The following MRPS30 variants were observed in gnomAD, a reference collection of about 807,000 sequenced individuals.
MRPS30 encodes mitochondrial ribosomal protein S30.
In MRPS30, 42 loss-of-function variants were observed where a neutral mutation model predicts 43.8. The observed-to-expected ratio is 0.96, with a 90% confidence interval of 0.75 to 1.24. MRPS30 has a LOEUF of 1.24. MRPS30 is among the 50% of genes most tolerant of loss of function. The pLI is 0.00. For missense variants in MRPS30, 638 were observed against 570.0 expected (o/e 1.12, Z -1.22); for synonymous variants, 273 against 228.2 (o/e 1.20, Z -1.77).
chr5:44,815,060 G>A lies in MRPS30; in HGVS notation c.1178G>A (p.Cys393Tyr). 1 of 1,613,794 alleles carries A rather than the reference G, an allele frequency of 6.2e-7. No individual in the cohort carries two copies. The highest frequency in any genetic ancestry group is 1.1e-5 in the South Asian group (1 of 91,068). Residue 393 changes from cysteine (C) to tyrosine (Y), a missense_variant, in exon 5 of 5, where the codon TGT becomes TAT. Physicochemically the swap from Cys to Tyr is radical, Grantham distance 194. Transcript: ENST00000507110. ...ADQNNPRKNI[C>Y]WGTQSKPLYE... is the part of the protein sequence containing the mutation. ...CAAAATAACCCTCGTAAAAATATATGTTGGGGTACACAAAGTAAGCCTCTT... is the reference window on the plus strand; with the variant it reads ...CAAAATAACCCTCGTAAAAATATATATTGGGGTACACAAAGTAAGCCTCTT...
chr5:44,809,482 T>C lies in MRPS30; in HGVS notation c.520T>C (p.Leu174=). The change falls in exon 1 of 5, where the codon TTG becomes CTG. Residue 174 remains leucine, a synonymous_variant. Coordinates refer to ENST00000507110, the MANE Select transcript of MRPS30 (RefSeq NM_016640.4). ...HRYEESEVIS[L]PFLDQLVSTL... is the part of the protein sequence containing the mutation. ...TTACGAGGAGAGCGAGGTCATATCT[T>C]TGCCCTTCCTGGATCAGCTGGTGTC... is the stretch of plus-strand genomic sequence containing the variant. 2 of 1,613,958 alleles carry C rather than the reference T, an allele frequency of 1.2e-6. No homozygotes were observed. Among genetic ancestry groups the C allele is most frequent in the Non-Finnish European group, 8.5e-7 (1 of 1,179,994 alleles).
At chr5:44,811,524 A>G (rs952598830) in intron 2 of MRPS30, among the ~76,000 whole-genome samples, 7 of 152,202 alleles carry the variant, frequency 4.6e-5, no homozygotes, top group African/African-American at 1.4e-4. Context: ...GCCATTTTAC[A>G]TATTTGCAGT....
intron 1 of MRPS30, 41 bp downstream of exon 1, chr5:44,809,604 G>A (rs1379099505): frequency 2.0e-6 from 3 of 1,523,866 alleles, no homozygotes; most frequent in Admixed American, 2.1e-5. Context: ...GGGAGAGATG[G>A]GGATTGTACT....
At chr5:44,809,830 T>G in intron 1 of MRPS30, 1 of 449,056 alleles carries the variant, frequency 2.2e-6, no homozygotes, top group Non-Finnish European at 3.9e-6. Flanking sequence ...GGATTCTACT[T>G]TGTGAGTGTT....
rs781533791 is a variant in MRPS30 at position 44,809,460 on chromosome 5, CGAG to C, written c.502_504del (p.Glu168del). 4 of 1,613,902 alleles carry C rather than the reference CGAG, an allele frequency of 2.5e-6. No homozygotes were observed. The highest frequency in any genetic ancestry group is 3.4e-6 in the Non-Finnish European group (4 of 1,180,000). On this transcript the variant is annotated inframe_deletion, in exon 1 of 5. Transcript: ENST00000507110. ...GGCGCAGGCGGCGCGTGCACCGTTA[CGAG>C]GAGAGCGAGGTCATATCTTTGCCCT... is the stretch of plus-strand genomic sequence containing the variant.
chr5:44,813,117 G>A lies in MRPS30; in HGVS notation c.865G>A (p.Ala289Thr), dbSNP rs1742869110. ...ATTTTGCTCTTCAGGCTCAAAAACTGCAGATCCTTGCTGTTACGGTCACAC... is the reference window on the plus strand; with the variant it reads ...ATTTTGCTCTTCAGGCTCAAAAACTACAGATCCTTGCTGTTACGGTCACAC... ...ENHIFVGSKT[A>T]DPCCYGHTQF... The change falls in exon 4 of 5, where the codon GCA becomes ACA. Residue 289 changes from alanine (A) to threonine (T), a missense_variant. By Grantham distance (58) the Ala-to-Thr change is moderately conservative. Coordinates refer to ENST00000507110, the MANE Select transcript of MRPS30 (RefSeq NM_016640.4). 1.9e-6 allele frequency: 3 copies of A among 1,611,430 alleles called. No individual in the cohort carries two copies. Among genetic ancestry groups the A allele is most frequent in the Non-Finnish European group, 2.5e-6 (3 of 1,179,186 alleles).
At chr5:44,812,415 T>C (rs1278607313) in intron 3 of MRPS30, among the ~76,000 whole-genome samples, 1 of 152,154 alleles carries the variant, frequency 6.6e-6, no homozygotes, top group Non-Finnish European at 1.5e-5. Context: ...TCATAATGTC[T>C]GATGTCTGCC....
At chr5:44,811,272 T>G in intron 2 of MRPS30, 118 bp downstream of exon 2, 1 of 1,258,506 alleles carries the variant, frequency 7.9e-7, no homozygotes, top group East Asian at 2.4e-5. Context: ...GCCTTTCAAG[T>G]TTCCTTTTTG....
rs955690643 is a variant in MRPS30, at chr5:44,809,381, C to T, written c.419C>T (p.Ala140Val). Residue 140 changes from alanine to valine, a missense_variant, in exon 1 of 5, where the codon GCG becomes GTG. Ala to Val is a moderately conservative substitution (Grantham distance 64). Coordinates refer to ENST00000507110, the MANE Select transcript of MRPS30 (RefSeq NM_016640.4). ...GAACCTGAACCTGCGCTGGACCTCG[C>T]GGCGCTGCGTGCGGTCGCCTGCGAC... ...EPEPEPALDLAALRAVACDCL... is the reference protein window; with the variant it reads ...EPEPEPALDLVALRAVACDCL... 2 of 1,608,370 alleles carry T rather than the reference C, an allele frequency of 1.2e-6. No homozygotes were observed. The highest frequency in any genetic ancestry group is 8.5e-7 in the Non-Finnish European group (1 of 1,177,392).
chr5:44,813,262 G>C lies in MRPS30; in HGVS notation c.1010G>C (p.Gly337Ala), dbSNP rs772618004. ...ATTGCAAGCCTTTTTGCTTGGACTG[G>C]AGCACAAGCTATGTATCAAGGTAAA... ...NAIASLFAWTGAQAMYQGFWS... is the reference protein window; with the variant it reads ...NAIASLFAWTAAQAMYQGFWS... Residue 337 changes from glycine to alanine, a missense_variant, in exon 4 of 5, where the codon GGA becomes GCA. Transcript: ENST00000507110. The C allele has an allele frequency of 6.4e-5, 102 of 1,602,760 alleles. No individual in the cohort carries two copies. Among genetic ancestry groups the C allele is most frequent in the Non-Finnish European group, 8.0e-5 (94 of 1,176,152 alleles).
chr5:44,815,342 C>G lies in MRPS30; in HGVS notation c.*140C>G, dbSNP rs534566617. The G allele has an allele frequency of 1.3e-5, 9 of 714,292 alleles. No individual in the cohort carries two copies. In the South Asian group the frequency reaches 2.0e-4, roughly 16 times the overall value. 44.2% of individuals were successfully genotyped at this position (714,292 alleles called of 1,614,324 possible). A position where few individuals can be genotyped will look rare whatever the true frequency, so the allele number is the denominator to read the frequency against. ...CTTATGTCAACCTGTTATTAGATCT[C>G]TTACTCTGCTCAAATTCATCACTGA... On this transcript the variant is annotated 3_prime_UTR_variant, in exon 5 of 5. Transcript: ENST00000507110.
At chr5:44,813,373 AG>A in intron 4 of MRPS30, 91 bp downstream of exon 4, 1 of 1,116,888 alleles carries the variant, frequency 9.0e-7, no homozygotes, top group Non-Finnish European at 1.2e-6. Context: ...GTTAAAACAT[AG>A]GTTGAATCTT....
At chr5:44,810,614 T>G (rs1200440243) in intron 1 of MRPS30, among the ~76,000 whole-genome samples, 1 of 152,168 alleles carries the variant, frequency 6.6e-6, no homozygotes, top group Non-Finnish European at 1.5e-5. Context: ...GAAAACCTGT[T>G]TAACTTTGTC....
At chr5:44,809,771 TA>T in intron 1 of MRPS30, 1 of 561,332 alleles carries the variant, frequency 1.8e-6, no homozygotes, top group Non-Finnish European at 3.1e-6. Context: ...CGCTAACACC[TA>T]CCAGCTCTTC....
intron 1 of MRPS30, among the ~76,000 whole-genome samples, chr5:44,810,486 T>C (rs1056912935): frequency 6.6e-6 from 1 of 152,360 alleles, no homozygotes; most frequent in Middle Eastern, 3.4e-3. Flanking sequence ...ATGTTAGGAC[T>C]GTAGATGTGT....
Position 44,811,103 on chromosome 5 carries a change from G to C in MRPS30, c.696G>C (p.Gln232His). The change falls in exon 2 of 5, where the codon CAG becomes CAC. Residue 232 changes from glutamine (Q) to histidine (H), a missense_variant. By Grantham distance (24) the Gln-to-His change is conservative. Coordinates refer to ENST00000507110, the MANE Select transcript of MRPS30 (RefSeq NM_016640.4). Reference protein sequence around the residue: ...RRGRIDDLRYQIDDKPNNQIR... With the variant: ...RRGRIDDLRYHIDDKPNNQIR... ...GTCGAATTGATGACTTGCGATACCA[G>C]ATAGATGATAAACCAAACAACCAGA... 6.2e-7 allele frequency: 1 copy of C among 1,614,060 alleles called. No homozygotes were observed. The highest frequency in any genetic ancestry group is 2.2e-5 in the East Asian group (1 of 44,860).
At position 44,815,348 on chromosome 5, in the gene MRPS30, C is replaced by A; in HGVS notation, c.*146C>A. Reference sequence around the variant, plus strand: ...TCAACCTGTTATTAGATCTCTTACTCTGCTCAAATTCATCACTGAAAGATT... The same window carrying A: ...TCAACCTGTTATTAGATCTCTTACTATGCTCAAATTCATCACTGAAAGATT... On this transcript the variant is annotated 3_prime_UTR_variant, in exon 5 of 5. Transcript: ENST00000507110. 1.4e-6 allele frequency: 1 copy of A among 693,692 alleles called. No individual in the cohort carries two copies. Among genetic ancestry groups the A allele is most frequent in the Non-Finnish European group, 2.2e-6 (1 of 450,028 alleles). 43.0% of individuals were successfully genotyped at this position (693,692 alleles called of 1,614,324 possible). A position where few individuals can be genotyped will look rare whatever the true frequency, so the allele number is the denominator to read the frequency against.
In MRPS30 at chr5:44,815,214, T is replaced by G. The variant is rs1216614192; in HGVS notation, c.*12T>G. ...TGTTGGAAAACTGAAAAAGCATATT[T>G]GATTGAGAACTGTGGGAATATTTAA... On this transcript the variant is annotated 3_prime_UTR_variant, in exon 5 of 5. Coordinates refer to ENST00000507110, the MANE Select transcript of MRPS30 (RefSeq NM_016640.4). 1 of 1,563,956 alleles carries G rather than the reference T, an allele frequency of 6.4e-7. No individual in the cohort carries two copies. Among genetic ancestry groups the G allele is most frequent in the Non-Finnish European group, 8.6e-7 (1 of 1,160,928 alleles).
Position 44,809,137 on chromosome 5 carries a change from C to T in MRPS30, c.175C>T (p.Arg59Trp). 3 of 1,611,580 alleles carry T rather than the reference C, an allele frequency of 1.9e-6. No individual in the cohort carries two copies. The highest frequency in any genetic ancestry group is 1.7e-6 in the Non-Finnish European group (2 of 1,179,338). Residue 59 changes from arginine to tryptophan, a missense_variant, in exon 1 of 5, where the codon CGG becomes TGG. By Grantham distance (101) the Arg-to-Trp change is moderately radical (BLOSUM62 -3). Transcript: ENST00000507110. ...ASMTADSKAA[R>W]LRRIERWQAT... ...CATGACAGCCGACAGCAAAGCTGCA[C>T]GGCTGCGGCGGATCGAGCGCTGGCA... is the stretch of plus-strand genomic sequence containing the variant.
Sources: gnomAD v4.1 joint callset for allele counts (sites outside exome capture counted in the v4.1 genomes callset) on GRCh38, gnomAD v4.1.1 for gene constraint, MANE v1.5 for transcripts, NCBI Gene and HGNC (gene_info 2026-07-23, HGNC 2026-07-21) for gene names.